Variants in MIS18A observed in about 807,000 individuals in gnomAD.
MIS18A encodes MIS18 kinetochore protein A.
A neutral mutation model predicts 25.0 loss-of-function variants in MIS18A; 14 were observed. That is an observed-to-expected ratio of 0.56 (90% CI 0.37 to 0.88). MIS18A has a LOEUF of 0.88. Ranked by LOEUF, MIS18A falls within the 40% of genes least tolerant of loss-of-function variation. The pLI is 0.00. For missense variants in MIS18A, 292 were observed against 290.8 expected, an observed-to-expected ratio of 1.00 and a Z score of -0.03; for synonymous variants, 134 against 118.6, an observed-to-expected ratio of 1.13 and a Z score of -0.84.
chr21:32,199,246 T>C, the MIS18A span, among the ~76,000 whole-genome samples: 1 of 152,148 alleles, frequency 6.6e-6, no homozygotes, highest in South Asian at 2.1e-4. Flanking sequence ...GGAATAGATT[T>C]CCAAGACAGG....
At chr21:32,248,076 AG>A in the MIS18A span, among the ~76,000 whole-genome samples, 9 of 152,326 alleles carry the variant, frequency 5.9e-5, no homozygotes, top group African/African-American at 1.9e-4. Context: ...TGAGAGCCCC[AG>A]AACGGCTCTG....
At chr21:32,226,800 G>A in the MIS18A span, among the ~76,000 whole-genome samples, 2 of 152,080 alleles carry the variant, frequency 1.3e-5, no homozygotes, top group Non-Finnish European at 2.9e-5. Context: ...TTTTTCTCAA[G>A]CACACATGGG....
the MIS18A span, among the ~76,000 whole-genome samples, chr21:32,172,776 A>C: frequency 6.6e-6 from 1 of 152,160 alleles, no homozygotes; most frequent in Non-Finnish European, 1.5e-5. Context: ...ATATCAATGG[A>C]ATAGAATTGG....
the MIS18A span, among the ~76,000 whole-genome samples, chr21:32,217,420 T>C: frequency 6.6e-6 from 1 of 152,174 alleles, no homozygotes; most frequent in Admixed American, 6.5e-5. Context: ...AATAAGTTGA[T>C]TGAGATTATT....
the MIS18A span, among the ~76,000 whole-genome samples, chr21:32,155,539 CA>C: frequency 1.3e-5 from 2 of 152,226 alleles, no homozygotes; most frequent in Non-Finnish European, 2.9e-5. Flanking sequence ...ACAGTTATAA[CA>C]GTAATTTGTA....
the MIS18A span, among the ~76,000 whole-genome samples, chr21:32,175,843 T>A: frequency 1.6e-5 from 2 of 121,430 alleles, no homozygotes; most frequent in African/African-American, 7.2e-5. Context: ...AACAACACAT[T>A]TTACAGCTAT....
the MIS18A span, among the ~76,000 whole-genome samples, chr21:32,248,191 A>C: frequency 2.0e-5 from 3 of 152,328 alleles, no homozygotes; most frequent in African/African-American, 7.2e-5. Flanking sequence ...TTATGTTTGA[A>C]GTGGGTTTTG....
the MIS18A span, among the ~76,000 whole-genome samples, chr21:32,235,767 T>A: frequency 1.3e-5 from 2 of 152,146 alleles, no homozygotes. Context: ...TCATCCATCA[T>A]TGGACTGCCT....
the MIS18A span, among the ~76,000 whole-genome samples, chr21:32,239,047 A>G: frequency 6.6e-6 from 1 of 152,222 alleles, no homozygotes; most frequent in Non-Finnish European, 1.5e-5. Flanking sequence ...AAAAAATTAT[A>G]TATGTGTACT....
the MIS18A span, among the ~76,000 whole-genome samples, chr21:32,245,007 A>G: frequency 3.7e-3 from 557 of 152,354 alleles, 6 homozygotes; most frequent in Middle Eastern, 0.01. Context: ...GACTGTTCAC[A>G]ATTCAATAAA....
the MIS18A span, among the ~76,000 whole-genome samples, chr21:32,216,220 A>C: frequency 2.0e-5 from 3 of 152,288 alleles, no homozygotes; most frequent in Admixed American, 2.0e-4. Flanking sequence ...GCCTATTCCC[A>C]TCCCTTACCC....
the MIS18A span, among the ~76,000 whole-genome samples, chr21:32,164,088 A>G: frequency 6.6e-6 from 1 of 152,170 alleles, no homozygotes; most frequent in Non-Finnish European, 1.5e-5. Flanking sequence ...GGACTGCACC[A>G]AGCCATTCTT....
the MIS18A span, chr21:32,259,978 C>A: frequency 2.0e-5 from 3 of 152,072 alleles, no homozygotes; most frequent in African/African-American, 7.3e-5. Flanking sequence ...TTTATGCTAG[C>A]CCCACAGCAC....
At chr21:32,269,509 T>C (rs1334419165) in intron 4 of MIS18A, 198 bp downstream of exon 4, 2 of 521,034 alleles carry the variant, frequency 3.8e-6, no homozygotes, top group African/African-American at 2.0e-5. Context: ...ACATGACATG[T>C]CTTCCTCATT....
At chr21:32,265,197 G>A (rs541138381), downstream of MIS18A, among the ~76,000 whole-genome samples, 156 of 152,280 alleles carry the variant, frequency 1.0e-3, 1 homozygote, top group East Asian at 0.012. Context: ...GCTTGCTCTC[G>A]GCACCTCCCC....
At chr21:32,257,111 C>G in the MIS18A span, among the ~76,000 whole-genome samples, 1 of 152,132 alleles carries the variant, frequency 6.6e-6, no homozygotes, top group Non-Finnish European at 1.5e-5. Context: ...GGCTGACATC[C>G]AAAGCTGACT....
chr21:32,160,717 C>T, the MIS18A span, among the ~76,000 whole-genome samples: 3 of 151,814 alleles, frequency 2.0e-5, no homozygotes, highest in Non-Finnish European at 2.9e-5. Context: ...CCGCAACCTC[C>T]GCTTCCCGGG....
the MIS18A span, among the ~76,000 whole-genome samples, chr21:32,161,419 G>C: frequency 6.6e-6 from 1 of 152,060 alleles, no homozygotes; most frequent in Non-Finnish European, 1.5e-5. Context: ...CTAGTGTTAT[G>C]GGTTTTGGGG....
the MIS18A span, among the ~76,000 whole-genome samples, chr21:32,176,144 T>C: frequency 0.6 from 91,719 of 152,076 alleles, 28,699 homozygotes; most frequent in African/African-American, 0.77. Context: ...ATAAGTAGAA[T>C]GAGTACACTC....
Sources: gnomAD v4.1 joint callset for allele counts (sites outside exome capture counted in the v4.1 genomes callset) on GRCh38, gnomAD v4.1.1 for gene constraint, MANE v1.5 for transcripts, NCBI Gene and HGNC (gene_info 2026-07-23, HGNC 2026-07-21) for gene names.